CSMD1: variants seen among roughly 807,000 people sequenced by gnomAD.
CSMD1 encodes CUB and Sushi multiple domains 1.
A neutral mutation model predicts 417.5 loss-of-function variants in CSMD1; 213 were observed. That is an observed-to-expected ratio of 0.51 (90% CI 0.46 to 0.57). CSMD1 has a LOEUF of 0.57. Among genes scored for constraint, CSMD1 ranks in the 20% least tolerant of loss-of-function variants. CSMD1 has a pLI of 0.00. For synonymous variants in CSMD1, 2,862 were observed against 1,736.8 expected (o/e 1.65, Z -16.11); for missense variants, 6,923 against 4,529.7 (o/e 1.53, Z -15.17).
intron 3 of CSMD1, among the ~76,000 whole-genome samples, chr8:4,301,787 T>A (rs1325108769): frequency 6.6e-6 from 1 of 152,226 alleles, no homozygotes; most frequent in Non-Finnish European, 1.5e-5. Context: ...AATTGTAAAC[T>A]CTTGATTTTG....
At chr8:4,325,580 T>G (rs530438219) in intron 3 of CSMD1, among the ~76,000 whole-genome samples, 24 of 152,212 alleles carry the variant, frequency 1.6e-4, no homozygotes, top group Admixed American at 7.8e-4. Flanking sequence ...TCCGGTGAGG[T>G]AAGAATTATT....
intron 5 of CSMD1, among the ~76,000 whole-genome samples, chr8:3,906,307 C>T (rs534371977): frequency 6.6e-6 from 1 of 152,058 alleles, no homozygotes; most frequent in Admixed American, 6.5e-5. Context: ...AAAAAAACCC[C>T]ATGAAACATC....
chr8:3,670,335 C>G (rs535060731), intron 7 of CSMD1, among the ~76,000 whole-genome samples: 1 of 151,956 alleles, frequency 6.6e-6, no homozygotes, highest in Non-Finnish European at 1.5e-5. Context: ...ACTCCAAGTT[C>G]TTCTGTTTTG....
chr8:4,493,071 A>C (rs1801788382), intron 2 of CSMD1, among the ~76,000 whole-genome samples: 1 of 152,318 alleles, frequency 6.6e-6, no homozygotes, highest in East Asian at 1.9e-4. Flanking sequence ...TGAGGTTAAT[A>C]CATTTGCTTA....
At chr8:3,468,975 T>A (rs142432774) in intron 11 of CSMD1, among the ~76,000 whole-genome samples, 151 bp from the exon 12 acceptor site, 2 of 152,310 alleles carry the variant, frequency 1.3e-5, no homozygotes, top group Admixed American at 1.3e-4. Context: ...CTCTGGTCCA[T>A]TATATTAATA....
chr8:3,322,610 T>A (rs912394005), intron 23 of CSMD1, among the ~76,000 whole-genome samples: 2 of 152,156 alleles, frequency 1.3e-5, no homozygotes. Context: ...TGCACCAGGT[T>A]CCAGTAAAGT....
chr8:4,630,854 C>A (rs1189628334), intron 2 of CSMD1, among the ~76,000 whole-genome samples: 3 of 152,168 alleles, frequency 2.0e-5, no homozygotes, highest in Non-Finnish European at 2.9e-5. Context: ...CTGGAACTAT[C>A]CAGGCCCTGG....
intron 1 of CSMD1, among the ~76,000 whole-genome samples, chr8:4,927,068 G>A (rs1175369679): frequency 6.7e-6 from 1 of 148,220 alleles, no homozygotes; most frequent in African/African-American, 2.5e-5. Context: ...AAATAGGGCT[G>A]TGTTATTTGC....
At chr8:4,765,090 C>A (rs554509932) in intron 1 of CSMD1, among the ~76,000 whole-genome samples, 1 of 152,230 alleles carries the variant, frequency 6.6e-6, no homozygotes, top group South Asian at 2.1e-4. Flanking sequence ...GTATGCAACG[C>A]ATGGGCTCAT....
chr8:4,031,623 A>G (rs1230426714), intron 4 of CSMD1, among the ~76,000 whole-genome samples: 1 of 149,862 alleles, frequency 6.7e-6, no homozygotes, highest in East Asian at 2.1e-4. Flanking sequence ...TATGTGGTCC[A>G]AGCATGACTT....
intron 1 of CSMD1, among the ~76,000 whole-genome samples, chr8:4,889,369 T>C (rs939518848): frequency 6.6e-6 from 1 of 152,136 alleles, no homozygotes; most frequent in African/African-American, 2.4e-5. Context: ...TCTTGAAAGA[T>C]AAGGAAGACT....
intron 10 of CSMD1, among the ~76,000 whole-genome samples, chr8:3,564,090 C>T (rs1265155809): frequency 2.6e-5 from 4 of 151,980 alleles, no homozygotes; most frequent in Admixed American, 6.5e-5. Flanking sequence ...GCATAATGAC[C>T]AAACAGTGTA....
intron 10 of CSMD1, among the ~76,000 whole-genome samples, chr8:3,506,973 T>A (rs772770102): frequency 6.6e-6 from 1 of 152,244 alleles, no homozygotes; most frequent in African/African-American, 2.4e-5. Context: ...GTTTTGCTTA[T>A]CTTTGATATA....
intron 1 of CSMD1, among the ~76,000 whole-genome samples, chr8:4,749,358 G>A (rs1296266777): frequency 1.3e-5 from 2 of 152,200 alleles, no homozygotes; most frequent in African/African-American, 4.8e-5. Context: ...CCATTTAAAT[G>A]TTCAGCATAG....
At chr8:2,969,140 C>A (rs1318775214) in intron 57 of CSMD1, among the ~76,000 whole-genome samples, 1 of 152,092 alleles carries the variant, frequency 6.6e-6, no homozygotes, top group Non-Finnish European at 1.5e-5. Flanking sequence ...TATAAAAATA[C>A]TTATTCCCGG....
intron 10 of CSMD1, among the ~76,000 whole-genome samples, chr8:3,556,461 T>C (rs1799152339): frequency 6.9e-6 from 1 of 144,484 alleles, no homozygotes; most frequent in Non-Finnish European, 1.5e-5. Flanking sequence ...TTGAGATAAT[T>C]TGTTCAGTCC....
chr8:3,073,750 C>T (rs1021337684), intron 49 of CSMD1, among the ~76,000 whole-genome samples: 2 of 149,758 alleles, frequency 1.3e-5, no homozygotes, highest in African/African-American at 4.9e-5. Flanking sequence ...AAAATGAGAA[C>T]ATGAACTTTA....
At chr8:3,308,238 G>C (rs529137656) in intron 24 of CSMD1, 74 bp downstream of exon 24, 3 of 1,132,266 alleles carry the variant, frequency 2.6e-6, no homozygotes, top group African/African-American at 1.5e-5. Context: ...TCCAATAAAG[G>C]AAGTCAATGC....
rs761167683 is a variant in CSMD1, at chr8:3,616,779, G to A, written c.1028C>T (p.Ala343Val). The change falls in exon 8 of 70, where the codon GCA (alanine) becomes GTA (valine). Residue 343 changes from alanine (A) to valine (V), a missense_variant. Transcript: ENST00000635120. The stretch of plus-strand genomic sequence containing the variant: ...ATCTGGACACATGTCAGAGACCAAT[G>A]CAACACCTCCTTGGCTCACTGTAAT... The part of the protein sequence containing the change: ...KNSVLSQGGV[A>V]LVSDMCPDPG... The A allele has an allele frequency of 3.7e-6, 6 of 1,611,468 alleles. No homozygotes were observed. Among genetic ancestry groups the A allele is most frequent in the Non-Finnish European group, 5.1e-6 (6 of 1,178,574 alleles).
Sources: gnomAD v4.1 joint callset for allele counts (sites outside exome capture counted in the v4.1 genomes callset) on GRCh38, gnomAD v4.1.1 for gene constraint, MANE v1.5 for transcripts, NCBI Gene and HGNC (gene_info 2026-07-23, HGNC 2026-07-21) for gene names.